The following DPP6 variants were observed in gnomAD, a reference collection of about 807,000 sequenced individuals.
The protein encoded by DPP6 is A-type potassium channel modulatory protein DPP6.
DPP6 carries 69 observed loss-of-function variants against 122.6 expected under a neutral mutation model. The observed-to-expected ratio is 0.56, with a 90% CI of 0.46 to 0.69. The LOEUF is 0.69. Among genes scored for constraint, DPP6 ranks in the 30% least tolerant of loss-of-function variants. DPP6 has a pLI of 0.00. For synonymous variants in DPP6, 418 were observed against 433.1 expected (o/e 0.97, Z 0.43); for missense variants, 928 against 1,116.9 (o/e 0.83, Z 2.41).
intron 1 of DPP6, among the ~76,000 whole-genome samples, chr7:154,023,643 G>A (rs3852282): frequency 0.21 from 32,250 of 150,996 alleles, 3,930 homozygotes; most frequent in African/African-American, 0.33. Flanking sequence ...CACCATGCTC[G>A]GCTAATTTTT....
At chr7:154,380,958 C>G (rs1394832461) in intron 1 of DPP6, among the ~76,000 whole-genome samples, 1 of 152,188 alleles carries the variant, frequency 6.6e-6, no homozygotes, top group Non-Finnish European at 1.5e-5. Flanking sequence ...CTGGAGGCTT[C>G]CAGAAATGAC....
At chr7:154,817,770 TGATG>T (rs150273648) in intron 16 of DPP6, among the ~76,000 whole-genome samples, 100 of 8,632 alleles carry the variant, frequency 0.012, 3 homozygotes, top group East Asian at 0.024. Context: ...CCTCAGTGAT[TGATG>T]GATGATGTCA....
In DPP6 at chr7:154,346,276, C is replaced by G. The variant is rs544844082; in HGVS notation, c.244-99938C>G. Among the ~76,000 whole-genome samples the G allele has an allele frequency of 2.6e-5, 4 of 152,222 alleles. No homozygotes were observed. The South Asian group carries it at 8.3e-4, about 32-fold the overall frequency. Reference sequence around the variant, plus strand: ...TGAAGACTTTTCAAGCCTCTCAAACCTACTTTACAGTGATTCTCTCTTTCA... The same window carrying G: ...TGAAGACTTTTCAAGCCTCTCAAACGTACTTTACAGTGATTCTCTCTTTCA... On this transcript the variant is annotated intron_variant, in intron 1 of 25. Transcript: ENST00000377770.
At chr7:154,690,019 A>C (rs545043590) in intron 7 of DPP6, among the ~76,000 whole-genome samples, 7 of 152,196 alleles carry the variant, frequency 4.6e-5, no homozygotes, top group Non-Finnish European at 1.5e-5. Flanking sequence ...TTCTTTTCTC[A>C]CTGGCCCACA....
intron 1 of DPP6, among the ~76,000 whole-genome samples, chr7:154,267,138 T>G (rs913785632): frequency 6.6e-6 from 1 of 152,046 alleles, no homozygotes; most frequent in Non-Finnish European, 1.5e-5. Context: ...AAGTCAAGGT[T>G]ACTAAGATTT....
intron 18 of DPP6, among the ~76,000 whole-genome samples, chr7:154,870,182 A>C (rs1285495068): frequency 7.2e-6 from 1 of 138,004 alleles, no homozygotes; most frequent in South Asian, 2.3e-4. Flanking sequence ...ACAGGGTCTC[A>C]CTATGTTGCC....
intron 1 of DPP6, among the ~76,000 whole-genome samples, chr7:154,154,410 G>T (rs1228093956): frequency 6.6e-6 from 1 of 152,182 alleles, no homozygotes; most frequent in Admixed American, 6.5e-5. Flanking sequence ...AGCTGCCTGG[G>T]ATCTTGATGA....
At chr7:153,993,014 T>A (rs1266952063) in intron 1 of DPP6, among the ~76,000 whole-genome samples, 1 of 152,164 alleles carries the variant, frequency 6.6e-6, no homozygotes, top group Admixed American at 6.5e-5. Context: ...ACTTGGTAAT[T>A]CTATATTCAC....
chr7:154,453,164 G>T (rs1410814681), intron 2 of DPP6, among the ~76,000 whole-genome samples: 1 of 152,182 alleles, frequency 6.6e-6, no homozygotes, highest in Non-Finnish European at 1.5e-5. Flanking sequence ...GATCGGATTT[G>T]CATGAAAACA....
At chr7:154,878,176 G>A (rs993945930) in intron 20 of DPP6, among the ~76,000 whole-genome samples, 64 of 152,190 alleles carry the variant, frequency 4.2e-4, no homozygotes, top group African/African-American at 1.5e-3. Flanking sequence ...CAGGCCCAGG[G>A]GAAAGTCGCA....
chr7:154,873,032 A>G (rs1804525504), intron 19 of DPP6, among the ~76,000 whole-genome samples: 1 of 152,240 alleles, frequency 6.6e-6, no homozygotes, highest in African/African-American at 2.4e-5. Context: ...ACAGAGACAC[A>G]AGATGGCTGG....
Position 154,371,269 on chromosome 7 carries a change from C to T in DPP6, c.244-74945C>T, listed in dbSNP as rs376525218. On this transcript the variant is annotated intron_variant, in intron 1 of 25. Coordinates refer to ENST00000377770, the MANE Select transcript of DPP6 (RefSeq NM_130797.4). ...TGGCAGGCACCTATAATCCCAGCTA[C>T]TCGGGAGGCTGAGGCAGAAGAATCA... Among the ~76,000 whole-genome samples, 34 of 149,320 alleles carry T rather than the reference C, an allele frequency of 2.3e-4. 1 individual carries two copies. In the South Asian group the frequency reaches 7.0e-3, roughly 31 times the overall value.
At chr7:154,080,248 C>T (rs1012826087) in intron 1 of DPP6, among the ~76,000 whole-genome samples, 7 of 152,134 alleles carry the variant, frequency 4.6e-5, no homozygotes, top group African/African-American at 1.7e-4. Flanking sequence ...GAAGTAGGAG[C>T]TTGGGAGAAG....
intron 7 of DPP6, 123 bp from the exon 8 acceptor site, chr7:154,727,644 G>C (rs562351069): frequency 3.0e-6 from 4 of 1,345,512 alleles, no homozygotes; most frequent in Non-Finnish European, 3.9e-6. Context: ...GACTGCCTTT[G>C]TTCTGTCTAA....
chr7:154,345,067 A>C (rs79261068), intron 1 of DPP6, among the ~76,000 whole-genome samples: 2,719 of 152,292 alleles, frequency 0.018, 73 homozygotes, highest in African/African-American at 0.061. Context: ...AAGATACCAT[A>C]GACTAGGTGG....
the DPP6 span, among the ~76,000 whole-genome samples, chr7:153,763,556 A>T: frequency 1.3e-5 from 2 of 151,858 alleles, no homozygotes; most frequent in South Asian, 4.2e-4. Context: ...AAGGAAAAAA[A>T]GATGTTGCTG....
intron 1 of DPP6, among the ~76,000 whole-genome samples, chr7:154,257,031 CTG>C (rs1168184076): frequency 2.9e-5 from 4 of 140,290 alleles, no homozygotes; most frequent in Non-Finnish European, 3.0e-5. Context: ...GTGTGTCACT[CTG>C]TTGCCTGGGT....
chr7:154,002,489 C>T (rs370329571), intron 1 of DPP6, among the ~76,000 whole-genome samples: 5 of 152,174 alleles, frequency 3.3e-5, no homozygotes, highest in East Asian at 3.9e-4. Context: ...CATTATTGTA[C>T]GGGGTCAGTC....
intron 16 of DPP6, among the ~76,000 whole-genome samples, chr7:154,830,786 C>T (rs145081947): frequency 2.0e-5 from 3 of 152,350 alleles, no homozygotes; most frequent in East Asian, 1.9e-4. Flanking sequence ...ACACCGTGCA[C>T]GCCCTGTGGA....
Sources: gnomAD v4.1 joint callset for allele counts (sites outside exome capture counted in the v4.1 genomes callset) on GRCh38, gnomAD v4.1.1 for gene constraint, MANE v1.5 for transcripts, NCBI Gene and HGNC (gene_info 2026-07-23, HGNC 2026-07-21) for gene names.